The following VPS8 variants were observed in gnomAD, a reference collection of about 807,000 sequenced individuals.
VPS8 encodes the protein vacuolar protein sorting-associated protein 8 homolog.
In VPS8, 129 loss-of-function variants were observed where a neutral mutation model predicts 216.4. That is an observed-to-expected ratio of 0.60 (90% CI 0.52 to 0.69). The LOEUF is 0.69. Ranked by LOEUF, VPS8 falls within the 30% of genes least tolerant of loss-of-function variation. VPS8 has a pLI of 0.00. For synonymous variants in VPS8, 571 were observed against 565.4 expected, an observed-to-expected ratio of 1.01 and a Z score of -0.14; for missense variants, 1,531 against 1,683.5, an observed-to-expected ratio of 0.91 and a Z score of 1.59.
intron 42 of VPS8, 94 bp from the exon 43 acceptor site, chr3:184,993,889 A>G: frequency 1.0e-6 from 1 of 981,590 alleles, no homozygotes; most frequent in African/African-American, 1.7e-5. Context: ...CTGTAGAAAA[A>G]TACTTAAAAG....
At chr3:184,876,381 C>G (rs1037126503) in intron 21 of VPS8, among the ~76,000 whole-genome samples, 2 of 151,622 alleles carry the variant, frequency 1.3e-5, no homozygotes, top group African/African-American at 2.4e-5. Flanking sequence ...CCCAGGCCTA[C>G]TGAATCAGAC....
At chr3:184,981,825 A>G (rs1254154047) in intron 40 of VPS8, among the ~76,000 whole-genome samples, 3 of 152,236 alleles carry the variant, frequency 2.0e-5, no homozygotes. Context: ...TTGAAAAATT[A>G]CTTAACTTCA....
At chr3:184,974,590 C>T (rs543182782) in intron 40 of VPS8, among the ~76,000 whole-genome samples, 11 of 151,802 alleles carry the variant, frequency 7.2e-5, no homozygotes, top group Admixed American at 1.3e-4. Flanking sequence ...TTTTTGTTTT[C>T]GTTACCTGTG....
chr3:184,863,576 A>G (rs1726780087), intron 16 of VPS8, among the ~76,000 whole-genome samples: 6 of 152,204 alleles, frequency 3.9e-5, no homozygotes, highest in Admixed American at 3.9e-4. Flanking sequence ...TAGGTGATAG[A>G]TGAGATGCAG....
At chr3:185,049,609 G>A (rs1577290633) in intron 47 of VPS8, among the ~76,000 whole-genome samples, 1 of 152,146 alleles carries the variant, frequency 6.6e-6, no homozygotes, top group South Asian at 2.1e-4. Flanking sequence ...AGTATGTCAT[G>A]TTACTCCCTT....
At chr3:184,944,470 C>T (rs936426594) in intron 36 of VPS8, 4 of 983,982 alleles carry the variant, frequency 4.1e-6, no homozygotes, top group Non-Finnish European at 4.8e-6. Flanking sequence ...CACAGGAGTT[C>T]TCCTGATGTG....
intron 45 of VPS8, among the ~76,000 whole-genome samples, chr3:185,017,463 T>G (rs1013394605): frequency 6.6e-6 from 1 of 152,208 alleles, no homozygotes; most frequent in Admixed American, 6.5e-5. Flanking sequence ...AATTTCACCT[T>G]TCCCCATTTC....
intron 31 of VPS8, 23 bp from the exon 32 acceptor site, chr3:184,928,428 A>T: frequency 6.6e-7 from 1 of 1,523,242 alleles, no homozygotes; most frequent in Non-Finnish European, 8.7e-7. Flanking sequence ...AAGTGTTTTT[A>T]CTCATTTATT....
At chr3:185,031,477 CTTTGTT>C (rs1216101997) in intron 46 of VPS8, among the ~76,000 whole-genome samples, 1 of 152,130 alleles carries the variant, frequency 6.6e-6, no homozygotes, top group East Asian at 1.9e-4. Flanking sequence ...ATGATTTGGT[CTTTGTT>C]TTTGCATCGG....
chr3:184,943,468 A>C lies in VPS8; in HGVS notation c.3035+3225A>C, dbSNP rs190173787. The stretch of plus-strand genomic sequence containing the variant: ...GATTAGAGTCTTTTCAGGTACTGGG[A>C]AAACTGAGGGAGTACAGAATACGGA... On this transcript the variant is annotated intron_variant, in intron 36 of 47. Coordinates refer to ENST00000625842, the MANE Select transcript of VPS8 (RefSeq NM_001009921.3). Among the ~76,000 whole-genome samples, 6 of 152,320 alleles carry C rather than the reference A, an allele frequency of 3.9e-5. No individual in the cohort carries two copies. In the East Asian group the frequency reaches 5.8e-4, roughly 15 times the overall value.
chr3:185,001,047 A>G (rs897955233), intron 45 of VPS8, among the ~76,000 whole-genome samples: 1 of 152,200 alleles, frequency 6.6e-6, no homozygotes, highest in African/African-American at 2.4e-5. Context: ...CCAAGTTTGT[A>G]TTGAACAGTG....
At position 184,826,162 on chromosome 3, in the gene VPS8, G is replaced by A; in HGVS notation, c.154-1G>A. ...GAGCACTATTTTTTTTCTTTATTTA[G>A]ATTGATGACAAGGAGTTTGATATTC... On this transcript the variant is annotated splice_acceptor_variant, in intron 2 of 47. Coordinates refer to ENST00000625842, the MANE Select transcript of VPS8 (RefSeq NM_001009921.3). LOFTEE classifies it high-confidence loss of function. The A allele has an allele frequency of 6.2e-7, 1 of 1,603,060 alleles. No individual in the cohort carries two copies.
rs1300641185 is a variant in VPS8 at position 184,940,249 on chromosome 3, T to C, written c.3035+6T>C. On this transcript the variant is annotated splice_donor_region_variant and intron_variant, in intron 36 of 47. Coordinates refer to ENST00000625842, the MANE Select transcript of VPS8 (RefSeq NM_001009921.3). ...AGGAGTCTTCTTGACCCAAGGTATG[T>C]TGACAAACTTTAGTCTTTCATTATA... The C allele has an allele frequency of 2.2e-6, 3 of 1,382,208 alleles. No individual in the cohort carries two copies. In the Admixed American group the frequency reaches 7.0e-5, roughly 32 times the overall value. 85.6% of individuals were successfully genotyped at this position (1,382,208 alleles called of 1,614,324 possible).
At chr3:184,941,574 G>T (rs904491925) in intron 36 of VPS8, among the ~76,000 whole-genome samples, 1 of 152,026 alleles carries the variant, frequency 6.6e-6, no homozygotes, top group African/African-American at 2.4e-5. Flanking sequence ...GAGGTAGGGA[G>T]AGCTGGGAGG....
At chr3:184,916,400 A>G (rs1737603520) in intron 28 of VPS8, among the ~76,000 whole-genome samples, 1 of 152,254 alleles carries the variant, frequency 6.6e-6, no homozygotes, top group Non-Finnish European at 1.5e-5. Flanking sequence ...ACATATACAC[A>G]GTATTTGGAG....
At chr3:184,976,664 A>G (rs1749316741) in intron 40 of VPS8, among the ~76,000 whole-genome samples, 1 of 151,990 alleles carries the variant, frequency 6.6e-6, no homozygotes, top group South Asian at 2.1e-4. Flanking sequence ...TCTCATTTTT[A>G]TGACCATATG....
intron 20 of VPS8, among the ~76,000 whole-genome samples, 185 bp downstream of exon 20, chr3:184,869,713 A>AC (rs1408516779): frequency 1.3e-5 from 2 of 151,870 alleles, no homozygotes; most frequent in African/African-American, 4.8e-5. Flanking sequence ...ACATAGCAAG[A>AC]CCCCGTCTCT....
rs4643688 is a variant in VPS8, at chr3:184,929,625, T to C, written c.2760T>C (p.Asp920=). ...EFMYEREHQY[D]KIIDCYLRDP... ...TGTATGAAAGAGAACACCAATATGA[T>C]AAAATTATTGATTGCTACTTACGTG... is the stretch of plus-strand genomic sequence containing the variant. Residue 920 remains aspartate (D), a synonymous_variant, in exon 33 of 48, where the codon GAT becomes GAC. Coordinates refer to ENST00000625842, the MANE Select transcript of VPS8 (RefSeq NM_001009921.3). 1,381,019 of 1,531,846 alleles carry C rather than the reference T, an allele frequency of 0.9. 624,059 individuals carry two copies. Among genetic ancestry groups the C allele is most frequent in the East Asian group, 0.97 (39,722 of 41,054 alleles). The allele number at this position is 1,531,846 out of a possible 1,614,324, so 94.9% of individuals were successfully genotyped here.
chr3:185,006,841 A>C (rs1489166056), intron 45 of VPS8, among the ~76,000 whole-genome samples: 1 of 24,862 alleles, frequency 4.0e-5, no homozygotes, highest in Non-Finnish European at 4.5e-4. Context: ...TCCTTCTGTC[A>C]AATGCAGTCC....
Sources: gnomAD v4.1 joint callset for allele counts (sites outside exome capture counted in the v4.1 genomes callset) on GRCh38, gnomAD v4.1.1 for gene constraint, MANE v1.5 for transcripts, NCBI Gene and HGNC (gene_info 2026-07-23, HGNC 2026-07-21) for gene names.